The following GLIS3 variants were observed in gnomAD, a reference collection of about 807,000 sequenced individuals.
GLIS3 encodes GLIS family zinc finger 3.
Under a neutral mutation model 78.6 loss-of-function variants are expected in GLIS3, and 53 were observed. The ratio of observed to expected loss-of-function variants is 0.67; its 90% CI spans 0.54 to 0.85. The LOEUF (loss-of-function observed/expected upper bound fraction) is 0.85. GLIS3 is among the 40% of genes least tolerant of loss of function. The pLI is 0.00. For synonymous variants in GLIS3, 684 were observed against 509.9 expected, an observed-to-expected ratio of 1.34 and a Z score of -4.60; for missense variants, 1,703 against 1,231.1, an observed-to-expected ratio of 1.38 and a Z score of -5.74.
chr9:3,953,471 G>C (rs1816834565), intron 4 of GLIS3, among the ~76,000 whole-genome samples: 2 of 152,102 alleles, frequency 1.3e-5, no homozygotes, highest in South Asian at 4.1e-4. Flanking sequence ...TCTTTACACT[G>C]ACTTCCACAT....
chr9:4,022,051 T>G (rs1369861195), intron 4 of GLIS3, among the ~76,000 whole-genome samples: 1 of 152,210 alleles, frequency 6.6e-6, no homozygotes, highest in Admixed American at 6.5e-5. Flanking sequence ...AATCCCTCCC[T>G]AAATATAAGA....
the GLIS3 span, among the ~76,000 whole-genome samples, chr9:4,417,062 A>C: frequency 6.6e-5 from 10 of 152,202 alleles, no homozygotes; most frequent in African/African-American, 2.4e-4. Flanking sequence ...AAAACGTCAC[A>C]TGAGTTTAGA....
At chr9:4,189,075 T>C (rs1818079720) in intron 2 of GLIS3, among the ~76,000 whole-genome samples, 1 of 151,852 alleles carries the variant, frequency 6.6e-6, no homozygotes, top group Non-Finnish European at 1.5e-5. Flanking sequence ...TCTAGTTCTT[T>C]TAATTGTGAT....
chr9:3,837,207 C>T (rs1431979698), intron 9 of GLIS3, among the ~76,000 whole-genome samples: 2 of 152,198 alleles, frequency 1.3e-5, no homozygotes, highest in Non-Finnish European at 2.9e-5. Context: ...CTTCATACTA[C>T]TAACTAAGAC....
intron 4 of GLIS3, among the ~76,000 whole-genome samples, chr9:4,003,190 G>A (rs1039904389): frequency 3.3e-5 from 5 of 152,052 alleles, no homozygotes; most frequent in Non-Finnish European, 7.4e-5. Context: ...GACCAGCCTG[G>A]GCAACATAGC....
Position 3,854,428 on chromosome 9 carries a change from C to T in GLIS3, c.2473+1581G>A, listed in dbSNP as rs117101536. On this transcript the variant is annotated intron_variant, in intron 9 of 10. Transcript: ENST00000381971. ...TGGGGAAGTGGGGAGATGAGATGGA[C>T]GGAACTTTGAGCCAGAACCAATAGC... Among the ~76,000 whole-genome samples, 1,321 of 152,180 alleles carry T rather than the reference C, an allele frequency of 8.7e-3. 12 individuals carry two copies. Among genetic ancestry groups the T allele is most frequent in the Non-Finnish European group, 0.012 (839 of 68,014 alleles).
chr9:4,277,180 T>G (rs930256323), intron 2 of GLIS3, among the ~76,000 whole-genome samples: 13 of 152,170 alleles, frequency 8.5e-5, no homozygotes, highest in African/African-American at 3.1e-4. Flanking sequence ...TTAGCAGACT[T>G]TTTTCATTGT....
At chr9:4,102,699 A>T (rs1242013958) in intron 4 of GLIS3, among the ~76,000 whole-genome samples, 3 of 152,224 alleles carry the variant, frequency 2.0e-5, no homozygotes, top group Admixed American at 1.3e-4. Flanking sequence ...CTTACTAGAG[A>T]ATATAAATAT....
intron 4 of GLIS3, among the ~76,000 whole-genome samples, chr9:3,991,673 A>C (rs1170862102): frequency 7.2e-6 from 1 of 139,516 alleles, no homozygotes; most frequent in African/African-American, 2.9e-5. Flanking sequence ...GAATTTCATT[A>C]AGTAGGCTGA....
intron 4 of GLIS3, among the ~76,000 whole-genome samples, chr9:3,954,421 T>C (rs1816949928): frequency 6.6e-6 from 1 of 152,252 alleles, no homozygotes; most frequent in Admixed American, 6.5e-5. Flanking sequence ...GTCTTTTCCT[T>C]AGCACAAAGT....
At chr9:4,421,834 G>A in the GLIS3 span, among the ~76,000 whole-genome samples, 1 of 152,162 alleles carries the variant, frequency 6.6e-6, no homozygotes, top group Non-Finnish European at 1.5e-5. Context: ...TTCTACTGCG[G>A]GAATTCTTAA....
intron 4 of GLIS3, among the ~76,000 whole-genome samples, chr9:4,003,619 A>G (rs1264782506): frequency 6.6e-6 from 1 of 152,186 alleles, no homozygotes. Flanking sequence ...AGTGTCTCTA[A>G]GTCTCTCCAT....
chr9:4,367,308 T>A, the GLIS3 span, among the ~76,000 whole-genome samples: 109 of 152,302 alleles, frequency 7.2e-4, no homozygotes, highest in Non-Finnish European at 1.3e-3. Flanking sequence ...CTGCCCCTGT[T>A]TGGGATAATT....
At chr9:4,479,098 T>C in the GLIS3 span, among the ~76,000 whole-genome samples, 5 of 152,212 alleles carry the variant, frequency 3.3e-5, no homozygotes, top group Non-Finnish European at 7.3e-5. Flanking sequence ...GAATTTTTTA[T>C]TATTTTTTGT....
intron 4 of GLIS3, among the ~76,000 whole-genome samples, chr9:4,114,421 G>T (rs370974963): frequency 6.6e-6 from 1 of 152,122 alleles, no homozygotes; most frequent in African/African-American, 2.4e-5. Context: ...GTTTGGGAAA[G>T]GGACAAATTC....
the GLIS3 span, among the ~76,000 whole-genome samples, chr9:4,473,466 A>AAAAAAGAAAAAAAAG: frequency 1.2e-3 from 157 of 135,502 alleles, 4 homozygotes; most frequent in East Asian, 0.026. Context: ...ACAACAAAAA[A>AAAAAAGAAAAAAAAG]AAAGGATCAT....
chr9:4,045,622 C>A (rs569411538), intron 4 of GLIS3, among the ~76,000 whole-genome samples: 10 of 152,126 alleles, frequency 6.6e-5, no homozygotes, highest in South Asian at 6.2e-4. Context: ...CAGATGTGAG[C>A]CACCCCACCC....
the GLIS3 span, among the ~76,000 whole-genome samples, chr9:4,478,368 T>C: frequency 2.0e-5 from 3 of 152,114 alleles, no homozygotes; most frequent in South Asian, 2.1e-4. Context: ...TCCCAGCAAT[T>C]TGGGAGGCCA....
intron 2 of GLIS3, among the ~76,000 whole-genome samples, chr9:4,169,805 G>C (rs1216134184): frequency 6.6e-6 from 1 of 152,170 alleles, no homozygotes; most frequent in Non-Finnish European, 1.5e-5. Context: ...TGGGTAAAGA[G>C]TATAGGAGAA....
Sources: gnomAD v4.1 joint callset for allele counts (sites outside exome capture counted in the v4.1 genomes callset) on GRCh38, gnomAD v4.1.1 for gene constraint, MANE v1.5 for transcripts, NCBI Gene and HGNC (gene_info 2026-07-23, HGNC 2026-07-21) for gene names.